NR2F1-AS1: variants seen among roughly 807,000 people sequenced by gnomAD.
NR2F1-AS1 encodes NR2F1 antisense RNA 1.
intron 4 of NR2F1-AS1, among the ~76,000 whole-genome samples, chr5:93,430,150 T>C (rs1296086330): frequency 6.6e-6 from 1 of 152,202 alleles, no homozygotes; most frequent in Non-Finnish European, 1.5e-5. Context: ...AATAGCAGAC[T>C]GTGTGAGTGA....
At chr5:93,492,730 A>G (rs1458370892) in intron 4 of NR2F1-AS1, among the ~76,000 whole-genome samples, 2 of 152,200 alleles carry the variant, frequency 1.3e-5, no homozygotes, top group East Asian at 3.9e-4. Flanking sequence ...GTGTGGTTGA[A>G]CATATGAAAA....
At chr5:93,469,016 C>T (rs1348790088) in intron 4 of NR2F1-AS1, among the ~76,000 whole-genome samples, 1 of 152,000 alleles carries the variant, frequency 6.6e-6, no homozygotes, top group Non-Finnish European at 1.5e-5. Context: ...ATGTCACCAA[C>T]AGATAATTCT....
At chr5:93,507,452 G>A (rs776028692) in intron 4 of NR2F1-AS1, among the ~76,000 whole-genome samples, 7 of 152,110 alleles carry the variant, frequency 4.6e-5, no homozygotes, top group Non-Finnish European at 8.8e-5. Flanking sequence ...CTGCCTCCCA[G>A]GTTCAAGCGA....
chr5:93,572,722 G>A (rs539846571), intron 1 of NR2F1-AS1, among the ~76,000 whole-genome samples: 47 of 152,332 alleles, frequency 3.1e-4, no homozygotes, highest in Non-Finnish European at 6.0e-4. Context: ...GGTGGTTGTT[G>A]TTCTTTTAAA....
intron 4 of NR2F1-AS1, among the ~76,000 whole-genome samples, chr5:93,430,405 C>T (rs944771253): frequency 2.0e-5 from 3 of 152,176 alleles, no homozygotes; most frequent in African/African-American, 7.2e-5. Context: ...GCAACGCTGC[C>T]TGACGGGGAA....
chr5:93,506,827 T>C (rs1051827993), intron 4 of NR2F1-AS1, among the ~76,000 whole-genome samples: 1 of 152,168 alleles, frequency 6.6e-6, no homozygotes, highest in African/African-American at 2.4e-5. Flanking sequence ...TATCAACTAG[T>C]ATAATCTCAA....
intron 4 of NR2F1-AS1, among the ~76,000 whole-genome samples, chr5:93,549,049 A>G (rs1752162232): frequency 6.6e-6 from 1 of 152,176 alleles, no homozygotes; most frequent in Admixed American, 6.6e-5. Flanking sequence ...TCATTGCCTA[A>G]TCATGAATAA....
intron 4 of NR2F1-AS1, among the ~76,000 whole-genome samples, chr5:93,471,532 T>G (rs115604090): frequency 0.029 from 4,470 of 151,810 alleles, 212 homozygotes; most frequent in African/African-American, 0.1. Flanking sequence ...TTTCAGAAAA[T>G]GTATATAAAA....
At chr5:93,558,398 G>A (rs1416404488) in intron 2 of NR2F1-AS1, among the ~76,000 whole-genome samples, 1 of 148,308 alleles carries the variant, frequency 6.7e-6, no homozygotes, top group East Asian at 2.0e-4. Flanking sequence ...TCGGCTCACT[G>A]CAACCTCCAC....
At chr5:93,486,712 T>C (rs1206675249) in intron 4 of NR2F1-AS1, among the ~76,000 whole-genome samples, 1 of 152,074 alleles carries the variant, frequency 6.6e-6, no homozygotes, top group African/African-American at 2.4e-5. Context: ...TTCCAAACAA[T>C]AGAAAAAGAG....
At chr5:93,479,881 G>A (rs1376154046) in intron 4 of NR2F1-AS1, among the ~76,000 whole-genome samples, 6 of 151,934 alleles carry the variant, frequency 3.9e-5, no homozygotes. Flanking sequence ...AAATAATGGA[G>A]ATGAAAAATA....
At chr5:93,459,290 A>G (rs1309832804) in intron 4 of NR2F1-AS1, among the ~76,000 whole-genome samples, 3 of 152,168 alleles carry the variant, frequency 2.0e-5, no homozygotes, top group Non-Finnish European at 2.9e-5. Flanking sequence ...TTTATCCAAA[A>G]AAGAGATATA....
At chr5:93,424,715 C>A (rs576036333) in intron 4 of NR2F1-AS1, among the ~76,000 whole-genome samples, 1 of 152,238 alleles carries the variant, frequency 6.6e-6, no homozygotes, top group South Asian at 2.1e-4. Flanking sequence ...AGCAAACAGA[C>A]CAACTTCTTA....
intron 4 of NR2F1-AS1, among the ~76,000 whole-genome samples, chr5:93,429,635 T>C (rs1468566375): frequency 6.6e-6 from 1 of 152,228 alleles, no homozygotes; most frequent in East Asian, 1.9e-4. Flanking sequence ...TCTTAATCAG[T>C]GGCTATAAAC....
chr5:93,497,660 C>T (rs1296589536), intron 4 of NR2F1-AS1, among the ~76,000 whole-genome samples: 3 of 152,082 alleles, frequency 2.0e-5, no homozygotes, highest in Non-Finnish European at 4.4e-5. Context: ...AGTTTATATA[C>T]TATCCTCAAA....
intron 4 of NR2F1-AS1, chr5:93,496,168 A>G (rs1750956337): frequency 1.3e-5 from 2 of 152,218 alleles, no homozygotes; most frequent in South Asian, 4.1e-4. Flanking sequence ...TCATTCATAG[A>G]TCAGATAGTA....
chr5:93,494,161 T>G (rs183053359), intron 4 of NR2F1-AS1, among the ~76,000 whole-genome samples: 1 of 152,206 alleles, frequency 6.6e-6, no homozygotes, highest in East Asian at 1.9e-4. Flanking sequence ...AACAAACAGA[T>G]AAGCAATCCA....
intron 4 of NR2F1-AS1, among the ~76,000 whole-genome samples, chr5:93,424,386 C>G (rs1749153794): frequency 2.0e-5 from 3 of 151,460 alleles, no homozygotes; most frequent in South Asian, 4.2e-4. Context: ...TCTCCTTTTT[C>G]TTAATAGTAT....
At position 93,415,932 on chromosome 5, in the gene NR2F1-AS1, TTAA is replaced by T. The variant is rs547520894; in HGVS notation, n.639-20393_639-20391del. Among the ~76,000 whole-genome samples, 12 of 152,340 alleles carry T rather than the reference TTAA, an allele frequency of 7.9e-5. No homozygotes were observed. In the South Asian group the frequency reaches 2.5e-3, roughly 32 times the overall value. ...ACACATTTCTCTTATTGAAGAGCAC[TTAA>T]TAAACACACACCTGACTGCTTTCAT... On this transcript the variant is annotated intron_variant and non_coding_transcript_variant, in intron 4 of 5. Transcript: ENST00000660523.
Sources: gnomAD v4.1 joint callset for allele counts (sites outside exome capture counted in the v4.1 genomes callset) on GRCh38, gnomAD v4.1.1 for gene constraint, MANE v1.5 for transcripts, NCBI Gene and HGNC (gene_info 2026-07-23, HGNC 2026-07-21) for gene names.